Variants in ASB4 observed in about 807,000 individuals in gnomAD.
ASB4 encodes ankyrin repeat and SOCS box containing 4.
ASB4 carries 35 observed loss-of-function variants against 38.6 expected under a neutral mutation model. That is an observed-to-expected ratio of 0.91 (90% confidence interval 0.69 to 1.20). The LOEUF is 1.20. Among genes scored for constraint, ASB4 ranks in the 50% most tolerant of loss-of-function variants. The probability of loss-of-function intolerance (pLI) is 0.00; values close to 1 mark genes in which losing one functional copy is unlikely to be tolerated. For missense variants in ASB4, 557 were observed against 527.2 expected, an observed-to-expected ratio of 1.06 and a Z score of -0.55; for synonymous variants, 195 against 201.3, an observed-to-expected ratio of 0.97 and a Z score of 0.26.
At chr7:95,485,624 A>G (rs1790077933), upstream of ASB4, among the ~76,000 whole-genome samples, 1 of 152,228 alleles carries the variant, frequency 6.6e-6, no homozygotes, top group South Asian at 2.1e-4. Context: ...ATTGAGGGGA[A>G]AAAAAGAGCA....
chr7:95,512,834 C>G (rs771886269), intron 2 of ASB4, among the ~76,000 whole-genome samples: 1 of 152,012 alleles, frequency 6.6e-6, no homozygotes, highest in African/African-American at 2.4e-5. Flanking sequence ...AGGGCAGATT[C>G]TATCAGTGCG....
intron 2 of ASB4, among the ~76,000 whole-genome samples, chr7:95,523,802 T>C (rs997580612): frequency 2.6e-5 from 4 of 152,220 alleles, no homozygotes; most frequent in African/African-American, 9.7e-5. Flanking sequence ...AGTATGTAGT[T>C]ATTTTAAATT....
At chr7:95,507,115 A>G (rs1482989924) in intron 2 of ASB4, among the ~76,000 whole-genome samples, 1 of 152,076 alleles carries the variant, frequency 6.6e-6, no homozygotes, top group African/African-American at 2.4e-5. Context: ...TTTGGAATCT[A>G]ATTATCTACG....
intron 2 of ASB4, among the ~76,000 whole-genome samples, chr7:95,502,068 C>T (rs552392415): frequency 1.1e-4 from 16 of 149,576 alleles, no homozygotes; most frequent in African/African-American, 1.2e-4. Flanking sequence ...GCTTACTATA[C>T]GCAGAAGTTT....
intron 1 of ASB4, among the ~76,000 whole-genome samples, chr7:95,489,504 A>G (rs562833450): frequency 6.6e-5 from 10 of 152,252 alleles, no homozygotes; most frequent in Non-Finnish European, 1.3e-4. Flanking sequence ...TTTAAGCTTC[A>G]TAATAAAATC....
intron 2 of ASB4, among the ~76,000 whole-genome samples, chr7:95,517,787 T>C (rs1319216380): frequency 6.6e-6 from 1 of 151,752 alleles, no homozygotes; most frequent in Non-Finnish European, 1.5e-5. Flanking sequence ...GTATCGGTGG[T>C]GAGACAGTGG....
At position 95,486,026 on chromosome 7, in the gene ASB4, A is replaced by G. The variant is rs915861948; in HGVS notation, c.55A>G (p.Arg19Gly). ...ATCTGGAGCTGCCAAGTTAGTTAAG[A>G]GAAATTTCCTTGAGGCGCTAAAGTC... ...TKSGAAKLVK[R>G]NFLEALKSND... Residue 19 changes from arginine to glycine, a missense_variant, in exon 1 of 5, where the codon AGA (arginine) becomes GGA (glycine). Physicochemically the swap from Arg to Gly is moderately radical, Grantham distance 125 (BLOSUM62 -2). Transcript: ENST00000325885. 1.2e-6 allele frequency: 2 copies of G among 1,614,196 alleles called. No homozygotes were observed. Among genetic ancestry groups the G allele is most frequent in the Admixed American group, 1.7e-5 (1 of 60,032 alleles).
chr7:95,523,225 A>G (rs1790687417), intron 2 of ASB4, among the ~76,000 whole-genome samples: 1 of 152,330 alleles, frequency 6.6e-6, no homozygotes, highest in East Asian at 1.9e-4. Flanking sequence ...GGAGTAGGAC[A>G]TTCTGGTACA....
At chr7:95,546,280 T>C in the ASB4 span, among the ~76,000 whole-genome samples, 1 of 152,242 alleles carries the variant, frequency 6.6e-6, no homozygotes, top group Admixed American at 6.5e-5. Flanking sequence ...TGTGAGCATA[T>C]GAATAGATAT....
At chr7:95,522,920 G>A (rs1790683430) in intron 2 of ASB4, among the ~76,000 whole-genome samples, 1 of 152,138 alleles carries the variant, frequency 6.6e-6, no homozygotes. Flanking sequence ...AAAGGTTCAT[G>A]AAGGAACTTC....
intron 3 of ASB4, among the ~76,000 whole-genome samples, chr7:95,530,981 G>A (rs1173905048): frequency 6.6e-6 from 1 of 152,124 alleles, no homozygotes; most frequent in East Asian, 1.9e-4. Flanking sequence ...TAAATAAACT[G>A]CTGAAAGTTT....
chr7:95,479,815 A>G (rs1376543047), intron 1 of ASB4, among the ~76,000 whole-genome samples: 1 of 152,210 alleles, frequency 6.6e-6, no homozygotes, highest in Non-Finnish European at 1.5e-5. Flanking sequence ...ATGCATATTC[A>G]TCAGTTATAC....
chr7:95,515,252 CTT>C (rs1790554687), intron 2 of ASB4, among the ~76,000 whole-genome samples: 3 of 52,670 alleles, frequency 5.7e-5, no homozygotes, highest in African/African-American at 2.1e-4. Flanking sequence ...TCTTTCTTTC[CTT>C]CTTTCTTTCT....
chr7:95,527,375 T>G (rs902270796), intron 2 of ASB4, among the ~76,000 whole-genome samples: 5 of 152,220 alleles, frequency 3.3e-5, no homozygotes, highest in African/African-American at 1.2e-4. Context: ...AAGAAAAGTA[T>G]TATTTTGTGG....
At chr7:95,508,524 G>C (rs1367651741) in intron 2 of ASB4, among the ~76,000 whole-genome samples, 1 of 152,138 alleles carries the variant, frequency 6.6e-6, no homozygotes, top group African/African-American at 2.4e-5. Context: ...AGAAACACTG[G>C]GTTTCCGAGC....
chr7:95,520,694 A>G (rs1014586385), intron 2 of ASB4, among the ~76,000 whole-genome samples: 1 of 148,354 alleles, frequency 6.7e-6, no homozygotes, highest in African/African-American at 2.5e-5. Context: ...CTTTTACAAC[A>G]TTGTTAGTCT....
intron 2 of ASB4, among the ~76,000 whole-genome samples, chr7:95,515,293 CTTTCTTTCTTTCTTTCTTTCTTT>C (rs1562817252): frequency 1.7e-5 from 2 of 118,070 alleles, no homozygotes; most frequent in African/African-American, 6.2e-5. Flanking sequence ...TTCTTTCTTT[CTTTCTTTCTTTCTTTCTTTCTTT>C]CTTCCTTCCT....
chr7:95,532,340 G>C (rs996845749), intron 3 of ASB4, among the ~76,000 whole-genome samples: 1 of 152,122 alleles, frequency 6.6e-6, no homozygotes, highest in Non-Finnish European at 1.5e-5. Context: ...AATTACATAA[G>C]CGGGGGAAAA....
rs1790935153 is a variant in ASB4 at position 95,539,034 on chromosome 7, G to A, written c.*1275G>A. On this transcript the variant is annotated 3_prime_UTR_variant, in exon 5 of 5. Transcript: ENST00000325885. ...GAAAAATGTAGGTGATTAAGCTCTGGGCCTTGTGGTTTATGAGGTCAATTT... is the reference window on the plus strand; with the variant it reads ...GAAAAATGTAGGTGATTAAGCTCTGAGCCTTGTGGTTTATGAGGTCAATTT... The A allele has an allele frequency of 6.6e-6, 1 of 151,982 alleles. No homozygotes were observed. Among genetic ancestry groups the A allele is most frequent in the Non-Finnish European group, 1.5e-5 (1 of 68,010 alleles). 9.4% of individuals were successfully genotyped at this position (151,982 alleles called of 1,614,324 possible). A position where few individuals can be genotyped will look rare whatever the true frequency, so the allele number is the denominator to read the frequency against.
Sources: allele counts gnomAD v4.1 joint callset (sites outside exome capture counted in the v4.1 genomes callset), GRCh38; gene constraint gnomAD v4.1.1; transcripts MANE v1.5; gene names NCBI Gene and HGNC (gene_info 2026-07-23, HGNC 2026-07-21).